Variants in LRRC8D observed in about 807,000 individuals in gnomAD.
The protein encoded by LRRC8D is volume-regulated anion channel subunit LRRC8D.
In LRRC8D, 20 loss-of-function variants were observed where a neutral mutation model predicts 55.8. The ratio of observed to expected loss-of-function variants is 0.36; its 90% CI spans 0.25 to 0.52. The LOEUF (loss-of-function observed/expected upper bound fraction) is 0.52. Ranked by LOEUF, LRRC8D falls within the 20% of genes least tolerant of loss-of-function variation. LRRC8D has a pLI of 0.93. For missense variants in LRRC8D, 651 were observed against 1,030.8 expected (o/e 0.63, Z 5.05); for synonymous variants, 352 against 377.0 (o/e 0.93, Z 0.77).
Position 89,935,647 on chromosome 1 carries a change from C to T in LRRC8D, c.*2C>T. ...ATTCCCTTTGCAAATGGGATTTAAA[C>T]TAAGATAATATATGCACAGTGATGT... is the stretch of plus-strand genomic sequence containing the variant. On this transcript the variant is annotated 3_prime_UTR_variant, in exon 3 of 3. Coordinates refer to ENST00000337338, the MANE Select transcript of LRRC8D (RefSeq NM_001134479.2). The T allele has an allele frequency of 6.2e-7, 1 of 1,612,596 alleles. No individual in the cohort carries two copies. Among genetic ancestry groups the T allele is most frequent in the Non-Finnish European group, 8.5e-7 (1 of 1,179,084 alleles).
intron 2 of LRRC8D, among the ~76,000 whole-genome samples, chr1:89,872,260 T>G (rs148317372): frequency 6.6e-6 from 1 of 152,362 alleles, no homozygotes; most frequent in African/African-American, 2.4e-5. Flanking sequence ...TGACCAGCTG[T>G]GTTATCTGGA....
intron 2 of LRRC8D, chr1:89,846,575 A>T (rs1477285773): frequency 1.3e-5 from 2 of 152,032 alleles, no homozygotes; most frequent in African/African-American, 4.8e-5. Context: ...GTCCTTTGCC[A>T]TTCCAAAAGA....
At chr1:89,834,633 A>T (rs1441597448) in intron 1 of LRRC8D, among the ~76,000 whole-genome samples, 1 of 152,244 alleles carries the variant, frequency 6.6e-6, no homozygotes, top group Non-Finnish European at 1.5e-5. Flanking sequence ...AGTTTGCAGT[A>T]TATGTTGTAA....
chr1:89,914,898 A>G (rs1663222433), intron 2 of LRRC8D, among the ~76,000 whole-genome samples: 1 of 152,046 alleles, frequency 6.6e-6, no homozygotes, highest in Non-Finnish European at 1.5e-5. Context: ...CTTACCCTAA[A>G]TAATTCTGGG....
intron 2 of LRRC8D, among the ~76,000 whole-genome samples, chr1:89,875,992 T>G (rs1662137719): frequency 6.6e-6 from 1 of 152,154 alleles, no homozygotes; most frequent in Non-Finnish European, 1.5e-5. Context: ...GACTCCATAT[T>G]TTGGGATCAT....
At position 89,879,074 on chromosome 1, in the gene LRRC8D, G is replaced by A. The variant is rs192659116; in HGVS notation, c.-3+35292G>A. On this transcript the variant is annotated intron_variant, in intron 2 of 2. Coordinates refer to ENST00000337338, the MANE Select transcript of LRRC8D (RefSeq NM_001134479.2). ...AGCCCCTATTTTTCTGTGCACATCCGTGCACCCCCCTGCTCTGTATCTCCC... is the reference window on the plus strand; with the variant it reads ...AGCCCCTATTTTTCTGTGCACATCCATGCACCCCCCTGCTCTGTATCTCCC... 1.3e-3 allele frequency among the ~76,000 whole-genome samples: 193 copies of A among 151,642 alleles called. 1 individual carries two copies. The highest frequency in any genetic ancestry group is 4.4e-3 in the African/African-American group (181 of 41,284).
At chr1:89,833,305 A>T (rs145602903) in intron 1 of LRRC8D, among the ~76,000 whole-genome samples, 2 of 152,338 alleles carry the variant, frequency 1.3e-5, no homozygotes, top group African/African-American at 4.8e-5. Context: ...TGACTAAAGG[A>T]TCTTCCTGGA....
chr1:89,856,350 T>A lies in LRRC8D; in HGVS notation c.-3+12568T>A, dbSNP rs146646379. The stretch of plus-strand genomic sequence containing the variant: ...CTCTCTCTCTCACACACACACACAC[T>A]CTCAGGTAAGGATAACAGCATTTAT... On this transcript the variant is annotated intron_variant, in intron 2 of 2. Transcript: ENST00000337338. Among the ~76,000 whole-genome samples, 154 of 152,088 alleles carry A rather than the reference T, an allele frequency of 1.0e-3. 3 individuals are homozygous for A. The East Asian group carries it at 0.012, about 12-fold the overall frequency.
intron 2 of LRRC8D, among the ~76,000 whole-genome samples, chr1:89,918,689 G>C (rs567846258): frequency 9.6e-4 from 146 of 152,304 alleles, no homozygotes; most frequent in African/African-American, 3.3e-3. Context: ...TTGTTTTCCT[G>C]TAGAGTGCTT....
chr1:89,918,981 T>G (rs1292940034), intron 2 of LRRC8D, among the ~76,000 whole-genome samples: 2 of 152,190 alleles, frequency 1.3e-5, no homozygotes, highest in Non-Finnish European at 2.9e-5. Context: ...TGCTGTGCCC[T>G]GAGGATACGC....
intron 2 of LRRC8D, among the ~76,000 whole-genome samples, chr1:89,904,024 G>C (rs1662927904): frequency 6.6e-6 from 1 of 152,150 alleles, no homozygotes; most frequent in South Asian, 2.1e-4. Context: ...AGTTTAGCCT[G>C]AGACCACCTA....
chr1:89,843,438 C>T lies in LRRC8D; in HGVS notation c.-147-200C>T, dbSNP rs554458671. ...GGCCACCAGCAGGGGGGGCCCGGGC[C>T]GAGGCCGCGCCACCTCGGCACCACG... On this transcript the variant is annotated intron_variant, in intron 1 of 2. Coordinates refer to ENST00000337338, the MANE Select transcript of LRRC8D (RefSeq NM_001134479.2). 533 of 376,344 alleles carry T rather than the reference C, an allele frequency of 1.4e-3. 2 individuals are homozygous for T. Among genetic ancestry groups the T allele is most frequent in the Non-Finnish European group, 2.0e-3 (429 of 212,836 alleles). The allele number at this position is 376,344 out of a possible 1,614,324, so 23.3% of individuals were successfully genotyped here.
intron 2 of LRRC8D, among the ~76,000 whole-genome samples, chr1:89,900,304 G>A (rs1662818063): frequency 6.6e-6 from 1 of 152,180 alleles, no homozygotes. Context: ...TGCTGATGGT[G>A]TTTTATTCAA....
rs1026333935 is a variant in LRRC8D, at chr1:89,897,675, A to G, written c.-2-35392A>G. On this transcript the variant is annotated intron_variant, in intron 2 of 2. Transcript: ENST00000337338. ...TGCTTCTTGTGTTTTTCAGTTTCCT[A>G]TCAGGCATATATTAACTTTTTTTAA... Among the ~76,000 whole-genome samples the G allele has an allele frequency of 2.0e-4, 31 of 152,274 alleles. 1 individual carries two copies. Among genetic ancestry groups the G allele is most frequent in the African/African-American group, 7.0e-4 (29 of 41,560 alleles).
Position 89,936,030 on chromosome 1 carries a change from T to G in LRRC8D, c.*385T>G, listed in dbSNP as rs1663847721. 2 of 185,828 alleles carry G rather than the reference T, an allele frequency of 1.1e-5. No individual in the cohort carries two copies. Among genetic ancestry groups the G allele is most frequent in the Non-Finnish European group, 2.5e-5 (2 of 79,902 alleles). 11.5% of individuals were successfully genotyped at this position (185,828 alleles called of 1,614,324 possible). ...CCTTTTTTGAGGGGTCTTAATTTAC[T>G]TTGCTTAATTGGTGCAATATTGCTT... On this transcript the variant is annotated 3_prime_UTR_variant, in exon 3 of 3. Transcript: ENST00000337338.
At chr1:89,900,282 A>T (rs975653681) in intron 2 of LRRC8D, among the ~76,000 whole-genome samples, 1 of 152,228 alleles carries the variant, frequency 6.6e-6, no homozygotes, top group Non-Finnish European at 1.5e-5. Context: ...TAGAGGGACG[A>T]TGTGTTACAA....
chr1:89,909,865 C>CA (rs199845267), intron 2 of LRRC8D, among the ~76,000 whole-genome samples: 1,368 of 93,706 alleles, frequency 0.015, 11 homozygotes, highest in South Asian at 0.021. Context: ...GACTCCGTCT[C>CA]AAAAAAAAAA....
At chr1:89,841,264 C>T (rs1422820004) in intron 1 of LRRC8D, among the ~76,000 whole-genome samples, 2 of 152,176 alleles carry the variant, frequency 1.3e-5, no homozygotes, top group Non-Finnish European at 2.9e-5. Context: ...TTGCAGTCTT[C>T]TTCCCCGCCC....
chr1:89,928,662 A>C (rs988739876), intron 2 of LRRC8D, among the ~76,000 whole-genome samples: 1 of 151,960 alleles, frequency 6.6e-6, no homozygotes, highest in South Asian at 2.1e-4. Context: ...AGTACTCTGT[A>C]CTCTGTTGCT....
Sources: gnomAD v4.1 joint callset for allele counts (sites outside exome capture counted in the v4.1 genomes callset) on GRCh38, gnomAD v4.1.1 for gene constraint, MANE v1.5 for transcripts, NCBI Gene and HGNC (gene_info 2026-07-23, HGNC 2026-07-21) for gene names.